Variants in PTPRJ observed in about 807,000 individuals in gnomAD.
PTPRJ encodes the protein receptor-type tyrosine-protein phosphatase eta.
In PTPRJ, 129 loss-of-function variants were observed where a neutral mutation model predicts 141.3. That is an observed-to-expected ratio of 0.91 (90% CI 0.79 to 1.06). The LOEUF (loss-of-function observed/expected upper bound fraction) is 1.06. Ranked by LOEUF, PTPRJ falls within the 50% of genes least tolerant of loss-of-function variation. The pLI is 0.00. For synonymous variants in PTPRJ, 610 were observed against 640.5 expected, an observed-to-expected ratio of 0.95 and a Z score of 0.72; for missense variants, 1,601 against 1,679.7, an observed-to-expected ratio of 0.95 and a Z score of 0.82.
chr11:47,980,802 C>A lies in PTPRJ; in HGVS notation c.-111C>A. ...AGCGGGGACGAGGCGGACCGGCTGGCGGAGGAGGAGGCGAAGGAGACGGCA... is the reference window on the plus strand; with the variant it reads ...AGCGGGGACGAGGCGGACCGGCTGGAGGAGGAGGAGGCGAAGGAGACGGCA... On this transcript the variant is annotated 5_prime_UTR_variant, in exon 1 of 25. Transcript: ENST00000418331. 1 of 1,039,766 alleles carries A rather than the reference C, an allele frequency of 9.6e-7. No homozygotes were observed. Among genetic ancestry groups the A allele is most frequent in the Non-Finnish European group, 1.2e-6 (1 of 867,690 alleles). The allele number at this position is 1,039,766 out of a possible 1,614,324, so 64.4% of individuals were successfully genotyped here. A position where few individuals can be genotyped will look rare whatever the true frequency, so the allele number is the denominator to read the frequency against.
At chr11:48,137,388 G>A in intron 10 of PTPRJ, 107 bp downstream of exon 10, 3 of 1,258,410 alleles carry the variant, frequency 2.4e-6, no homozygotes, top group Non-Finnish European at 2.2e-6. Flanking sequence ...GATGTGCAGT[G>A]ATGGACATTG....
intron 1 of PTPRJ, among the ~76,000 whole-genome samples, chr11:48,095,536 C>T (rs754919525): frequency 2.0e-5 from 3 of 151,418 alleles, no homozygotes; most frequent in African/African-American, 4.9e-5. Context: ...AAGACGAGTG[C>T]ACCTTATGGG....
At chr11:48,053,180 A>AAT (rs1255932103) in intron 1 of PTPRJ, among the ~76,000 whole-genome samples, 2 of 106,142 alleles carry the variant, frequency 1.9e-5, no homozygotes, top group Non-Finnish European at 3.5e-5. Context: ...AAAATATATA[A>AAT]ATATATATAA....
At chr11:48,130,200 C>T (rs1856937960) in intron 7 of PTPRJ, among the ~76,000 whole-genome samples, 1 of 151,422 alleles carries the variant, frequency 6.6e-6, no homozygotes, top group South Asian at 2.1e-4. Context: ...CACAGGAGCT[C>T]ACGCCTCCTC....
intron 1 of PTPRJ, among the ~76,000 whole-genome samples, chr11:48,079,029 C>T (rs150793539): frequency 1.5e-4 from 23 of 151,906 alleles, no homozygotes; most frequent in African/African-American, 5.1e-4. Flanking sequence ...AATGCAAAGA[C>T]GGGCAGGATC....
rs199862481 is a variant in PTPRJ at position 48,136,165 on chromosome 11, C to T, written c.1742C>T (p.Ser581Phe). Residue 581 changes from serine (S) to phenylalanine (F), a missense_variant, in exon 9 of 25, where the codon TCT becomes TTT. By Grantham distance (155) the Ser-to-Phe change is radical. Transcript: ENST00000418331. ...YHLVIESKHG[S>F]NHTSTYDKAI... ...TTAGTCATAGAGTCCAAGCATGGCTCTAACCACACAAGCACGTATGACAAA... is the reference window on the plus strand; with the variant it reads ...TTAGTCATAGAGTCCAAGCATGGCTTTAACCACACAAGCACGTATGACAAA... 1 of 1,614,228 alleles carries T rather than the reference C, an allele frequency of 6.2e-7. No homozygotes were observed. The highest frequency in any genetic ancestry group is 2.2e-5 in the East Asian group (1 of 44,884).
At chr11:48,132,816 G>A (rs1590542570) in intron 8 of PTPRJ, 6 of 727,170 alleles carry the variant, frequency 8.3e-6, no homozygotes, top group Non-Finnish European at 1.0e-5. Context: ...GTTAAGCACC[G>A]ATAGTCACTC....
At chr11:48,018,808 C>G (rs938961795) in intron 1 of PTPRJ, among the ~76,000 whole-genome samples, 1 of 152,144 alleles carries the variant, frequency 6.6e-6, no homozygotes, top group African/African-American at 2.4e-5. Context: ...TTTGTTCTCT[C>G]CCAGGTACCA....
At chr11:48,053,310 A>G (rs1244639273) in intron 1 of PTPRJ, among the ~76,000 whole-genome samples, 6 of 91,974 alleles carry the variant, frequency 6.5e-5, no homozygotes, top group African/African-American at 2.3e-4. Context: ...ATATATAAAT[A>G]TATAATATAT....
chr11:48,149,473 C>A lies in PTPRJ; in HGVS notation c.3026C>A (p.Ser1009Tyr), dbSNP rs756413094. Residue 1009 changes from serine to tyrosine, a missense_variant, in exon 16 of 25, where the codon TCC becomes TAC. Coordinates refer to ENST00000418331, the MANE Select transcript of PTPRJ (RefSeq NM_002843.4). ...KRKDAKNNEV[S>Y]FSQIKPKKSK... ...AAAGATGCAAAGAATAATGAAGTGT[C>A]CTTTTCTCAAATTAAGTAAGTCTCT... 1 of 1,517,102 alleles carries A rather than the reference C, an allele frequency of 6.6e-7. No individual in the cohort carries two copies. Among genetic ancestry groups the A allele is most frequent in the Non-Finnish European group, 9.0e-7 (1 of 1,105,074 alleles). The allele number at this position is 1,517,102 out of a possible 1,614,324, so 94.0% of individuals were successfully genotyped here.
chr11:48,003,559 G>A (rs990092501), intron 1 of PTPRJ, among the ~76,000 whole-genome samples: 3 of 152,118 alleles, frequency 2.0e-5, no homozygotes, highest in East Asian at 1.9e-4. Context: ...GCTGTGGCAC[G>A]ATCTTGGTTC....
chr11:48,017,166 T>C (rs900647364), intron 1 of PTPRJ, among the ~76,000 whole-genome samples: 4 of 152,204 alleles, frequency 2.6e-5, no homozygotes, highest in Non-Finnish European at 5.9e-5. Context: ...TGATCCCAAG[T>C]AGGTGACCCT....
At chr11:48,047,998 G>A (rs1454049560) in intron 1 of PTPRJ, among the ~76,000 whole-genome samples, 1 of 152,142 alleles carries the variant, frequency 6.6e-6, no homozygotes, top group East Asian at 1.9e-4. Flanking sequence ...AACGGCTTTT[G>A]GGGGCGTTTT....
At chr11:48,025,990 G>T (rs1183383625) in intron 1 of PTPRJ, among the ~76,000 whole-genome samples, 2 of 152,112 alleles carry the variant, frequency 1.3e-5, no homozygotes, top group Non-Finnish European at 2.9e-5. Context: ...CCTTCAAAAG[G>T]CTCTGGACAA....
chr11:48,070,653 C>A (rs1365797115), intron 1 of PTPRJ, among the ~76,000 whole-genome samples: 1 of 152,212 alleles, frequency 6.6e-6, no homozygotes, highest in African/African-American at 2.4e-5. Context: ...TGAATCCCCT[C>A]AGCAAGTATA....
chr11:48,046,912 A>AT (rs1217187387), intron 1 of PTPRJ, among the ~76,000 whole-genome samples: 1,786 of 74,218 alleles, frequency 0.024, 58 homozygotes, highest in East Asian at 0.033. Context: ...ATATATATAT[A>AT]TTTTTTTTTT....
intron 1 of PTPRJ, among the ~76,000 whole-genome samples, chr11:48,025,950 C>T (rs774901514): frequency 1.3e-5 from 2 of 152,192 alleles, no homozygotes; most frequent in Non-Finnish European, 2.9e-5. Flanking sequence ...GCTCATCCCC[C>T]CAATTATGGA....
At chr11:48,054,305 C>T (rs1194101131) in intron 1 of PTPRJ, among the ~76,000 whole-genome samples, 1 of 152,198 alleles carries the variant, frequency 6.6e-6, no homozygotes, top group Non-Finnish European at 1.5e-5. Flanking sequence ...CCCCATTGTG[C>T]AACCTCTTAT....
chr11:48,053,475 A>ATATATTATATACTAT (rs1565278740), intron 1 of PTPRJ, among the ~76,000 whole-genome samples: 28 of 111,094 alleles, frequency 2.5e-4, no homozygotes, highest in African/African-American at 1.2e-3. Context: ...ATAATATATA[A>ATATATTATATACTAT]AAAATATATA....
Sources: allele counts gnomAD v4.1 joint callset (sites outside exome capture counted in the v4.1 genomes callset), GRCh38; gene constraint gnomAD v4.1.1; transcripts MANE v1.5; gene names NCBI Gene and HGNC (gene_info 2026-07-23, HGNC 2026-07-21).